The following TLN2 variants were observed in gnomAD, a reference collection of about 807,000 sequenced individuals.
The protein encoded by TLN2 is talin-2.
In TLN2, 118 loss-of-function variants were observed where a neutral mutation model predicts 294.7. The observed-to-expected ratio is 0.40, with a 90% CI of 0.34 to 0.47. TLN2 has a LOEUF of 0.47. TLN2 is among the 20% of genes least tolerant of loss of function. The pLI, the probability that TLN2 is intolerant of heterozygous loss-of-function variation, is 0.84. For synonymous variants in TLN2, 1,431 were observed against 1,304.5 expected, an observed-to-expected ratio of 1.10 and a Z score of -2.09; for missense variants, 3,083 against 3,282.2, an observed-to-expected ratio of 0.94 and a Z score of 1.48.
At chr15:62,483,643 G>A (rs759802376) in intron 1 of TLN2, among the ~76,000 whole-genome samples, 8 of 152,132 alleles carry the variant, frequency 5.3e-5, no homozygotes, top group Non-Finnish European at 1.0e-4. Flanking sequence ...CTCTCCAGCT[G>A]TTGGCAGACA....
intron 1 of TLN2, among the ~76,000 whole-genome samples, chr15:62,470,839 T>A (rs1475044961): frequency 6.6e-6 from 1 of 152,164 alleles, no homozygotes; most frequent in Non-Finnish European, 1.5e-5. Flanking sequence ...AGAGAACATA[T>A]CAAGACAAAA....
In TLN2 at chr15:62,672,114, G is replaced by A. The variant is rs1207728895; in HGVS notation, c.789-1713G>A. On this transcript the variant is annotated intron_variant, in intron 9 of 58. Transcript: ENST00000636159. ...GTTGTTATTTTTTTGTCTTATAGCC[G>A]TTGAAATGTGCTTTGATCTATCATT... 3.9e-5 allele frequency among the ~76,000 whole-genome samples: 6 copies of A among 152,048 alleles called. No individual in the cohort carries two copies. The East Asian group carries it at 7.7e-4, about 20-fold the overall frequency.
At chr15:62,428,967 C>A (rs987255261) in intron 1 of TLN2, among the ~76,000 whole-genome samples, 3 of 152,078 alleles carry the variant, frequency 2.0e-5, no homozygotes, top group Non-Finnish European at 2.9e-5. Flanking sequence ...TGACTCAGAG[C>A]TTCTGGAGTG....
chr15:62,839,697 C>T (rs1489573324), intron 58 of TLN2, among the ~76,000 whole-genome samples: 1 of 152,196 alleles, frequency 6.6e-6, no homozygotes, highest in African/African-American at 2.4e-5. Context: ...ATTCATTCCC[C>T]ATGTCTGCCT....
At chr15:62,601,931 T>C (rs1300559622) in intron 2 of TLN2, among the ~76,000 whole-genome samples, 1 of 152,244 alleles carries the variant, frequency 6.6e-6, no homozygotes, top group Non-Finnish European at 1.5e-5. Context: ...CCGAGTCCTT[T>C]AGACATGACT....
chr15:62,784,110 G>T, intron 45 of TLN2: 1 of 692,906 alleles, frequency 1.4e-6, no homozygotes. Flanking sequence ...AAGAACTGGG[G>T]CATGGGCTTT....
At chr15:62,726,949 C>T in intron 27 of TLN2, 138 bp from the exon 28 acceptor site, 1 of 847,174 alleles carries the variant, frequency 1.2e-6, no homozygotes, top group Admixed American at 2.4e-5. Context: ...CCTGTACCAC[C>T]CTGCTGCGGC....
At chr15:62,687,903 C>T (rs1049288626) in intron 12 of TLN2, 5 of 152,186 alleles carry the variant, frequency 3.3e-5, no homozygotes, top group Admixed American at 6.5e-5. Context: ...CCTCATCTTC[C>T]ATTGCAGGAA....
Position 62,740,050 on chromosome 15 carries a change from T to G in TLN2, c.3885+505T>G, listed in dbSNP as rs556584495. ...AGCTTGCAGAGCTGTGTTTTTTGTT[T>G]TTTTTTTTTTTTCTGCGCTCCTTTG... On this transcript the variant is annotated intron_variant, in intron 31 of 58. Coordinates refer to ENST00000636159, the MANE Select transcript of TLN2 (RefSeq NM_015059.3). 2.6e-5 allele frequency among the ~76,000 whole-genome samples: 4 copies of G among 151,132 alleles called. No individual in the cohort carries two copies. In the South Asian group the frequency reaches 6.3e-4, roughly 24 times the overall value.
chr15:62,705,841 T>C (rs995858336), intron 19 of TLN2, among the ~76,000 whole-genome samples: 1 of 152,172 alleles, frequency 6.6e-6, no homozygotes, highest in African/African-American at 2.4e-5. Flanking sequence ...GCTTTAATTA[T>C]ACCTTGGATA....
chr15:62,701,863 C>T, intron 17 of TLN2, 129 bp from the exon 18 acceptor site: 2 of 1,057,030 alleles, frequency 1.9e-6, no homozygotes, highest in Non-Finnish European at 2.7e-6. Context: ...GCTCACTGTG[C>T]TCATGTGAAG....
intron 1 of TLN2, among the ~76,000 whole-genome samples, chr15:62,511,605 C>T (rs778699258): frequency 1.4e-4 from 22 of 152,108 alleles, no homozygotes; most frequent in Non-Finnish European, 2.9e-4. Flanking sequence ...ACCCCACCCC[C>T]AGCGTGAGAA....
intron 1 of TLN2, among the ~76,000 whole-genome samples, chr15:62,503,837 G>T (rs1435288120): frequency 2.6e-5 from 4 of 152,184 alleles, no homozygotes; most frequent in Non-Finnish European, 5.9e-5. Context: ...TCCTGGAGCT[G>T]GGCTCACACC....
chr15:62,617,238 G>T (rs1042813926), intron 2 of TLN2, among the ~76,000 whole-genome samples: 2 of 151,886 alleles, frequency 1.3e-5, no homozygotes, highest in African/African-American at 4.8e-5. Flanking sequence ...CCAAGCAGAA[G>T]GCAGAAGTTA....
chr15:62,454,706 G>C (rs757376222), intron 1 of TLN2, among the ~76,000 whole-genome samples: 3 of 152,170 alleles, frequency 2.0e-5, no homozygotes, highest in Non-Finnish European at 4.4e-5. Context: ...GCATGGGCAA[G>C]AGGGAGGGTT....
chr15:62,754,091 G>A (rs1437912383), intron 36 of TLN2, 175 bp downstream of exon 36: 2 of 898,796 alleles, frequency 2.2e-6, no homozygotes, highest in East Asian at 6.5e-5. Flanking sequence ...AAAATATGAT[G>A]AATCTGGAAA....
intron 54 of TLN2, chr15:62,829,108 T>C (rs951900267): frequency 6.7e-6 from 1 of 149,808 alleles, no homozygotes; most frequent in African/African-American, 2.4e-5. Flanking sequence ...TATTTTTCTT[T>C]AAAATTTTTT....
At chr15:62,836,107 C>T (rs758668939) in intron 57 of TLN2, 34 bp downstream of exon 57, 4 of 1,574,946 alleles carry the variant, frequency 2.5e-6, no homozygotes, top group Non-Finnish European at 2.6e-6. Context: ...GAAAATACTC[C>T]TGTTGGAGCG....
chr15:62,541,051 A>G (rs1463558076), intron 1 of TLN2, among the ~76,000 whole-genome samples: 1 of 152,146 alleles, frequency 6.6e-6, no homozygotes, highest in East Asian at 1.9e-4. Flanking sequence ...TTCTAAAGTC[A>G]AAATAAGAAA....
Sources: gnomAD v4.1 joint callset for allele counts (sites outside exome capture counted in the v4.1 genomes callset) on GRCh38, gnomAD v4.1.1 for gene constraint, MANE v1.5 for transcripts, NCBI Gene and HGNC (gene_info 2026-07-23, HGNC 2026-07-21) for gene names.